Variants in NBEA observed in about 807,000 individuals in gnomAD.
NBEA encodes the protein lysosomal-trafficking regulator 2.
In NBEA, 44 loss-of-function variants were observed where a neutral mutation model predicts 343.4. The ratio of observed to expected loss-of-function variants is 0.13; its 90% CI spans 0.10 to 0.16. The LOEUF is 0.16. NBEA is among the 10% of genes least tolerant of loss of function. The pLI is 1.00. For synonymous variants in NBEA, 1,175 were observed against 1,238.7 expected (o/e 0.95, Z 1.08); for missense variants, 2,555 against 3,631.3 (o/e 0.70, Z 7.62).
chr13:35,164,064 T>G (rs961824575), intron 23 of NBEA, among the ~76,000 whole-genome samples: 14 of 152,242 alleles, frequency 9.2e-5, no homozygotes, highest in Non-Finnish European at 1.9e-4. Flanking sequence ...AAAATAAATA[T>G]TTTTAGCCAA....
At chr13:35,278,175 CAGT>C (rs2034774888) in intron 34 of NBEA, among the ~76,000 whole-genome samples, 1 of 148,940 alleles carries the variant, frequency 6.7e-6, no homozygotes, top group African/African-American at 2.5e-5. Flanking sequence ...GATTTAGAAA[CAGT>C]AGTGTACAAC....
intron 34 of NBEA, among the ~76,000 whole-genome samples, chr13:35,238,997 T>G (rs1261577929): frequency 6.6e-6 from 1 of 152,178 alleles, no homozygotes; most frequent in South Asian, 2.1e-4. Flanking sequence ...TCAGAAAAAC[T>G]TGCCGTATTT....
chr13:35,450,075 A>C (rs761096066), intron 39 of NBEA, among the ~76,000 whole-genome samples: 7 of 152,198 alleles, frequency 4.6e-5, no homozygotes, highest in Non-Finnish European at 1.0e-4. Flanking sequence ...AAACAGAATT[A>C]GCCTATATTC....
At chr13:35,409,644 C>T (rs77359599) in intron 38 of NBEA, among the ~76,000 whole-genome samples, 5,309 of 152,114 alleles carry the variant, frequency 0.035, 136 homozygotes, top group Non-Finnish European at 0.053. Context: ...CCAAATGGTT[C>T]TACCTGTTTC....
intron 27 of NBEA, 45 bp from the exon 28 acceptor site, chr13:35,176,951 T>A (rs997795970): frequency 7.9e-7 from 1 of 1,263,386 alleles, no homozygotes; most frequent in Non-Finnish European, 1.1e-6. Context: ...TTCTATATAT[T>A]ATCTGTAATA....
chr13:35,575,077 A>T (rs1233833589), intron 45 of NBEA, among the ~76,000 whole-genome samples: 1 of 152,186 alleles, frequency 6.6e-6, no homozygotes, highest in African/African-American at 2.4e-5. Flanking sequence ...GCAACTTTAG[A>T]TCAAAGATGA....
intron 12 of NBEA, among the ~76,000 whole-genome samples, chr13:35,109,803 G>A (rs1187210756): frequency 2.6e-5 from 4 of 151,682 alleles, no homozygotes; most frequent in Non-Finnish European, 5.9e-5. Context: ...TTTGAAGGTA[G>A]AATTTATATC....
rs542520689 is a variant in NBEA at position 35,154,938 on chromosome 13, C to T, written c.2446-836C>T. ...CCCAGGAGTTCAAGATGAGCCTGGG[C>T]GATAAAGTGGACCCCATCTTTACCA... On this transcript the variant is annotated intron_variant, in intron 18 of 58. Transcript: ENST00000379939. 3.4e-4 allele frequency among the ~76,000 whole-genome samples: 51 copies of T among 148,014 alleles called. No homozygotes were observed. In the South Asian group the frequency reaches 9.7e-3, roughly 28 times the overall value.
intron 34 of NBEA, among the ~76,000 whole-genome samples, chr13:35,266,175 C>T (rs1358251197): frequency 1.3e-5 from 2 of 151,368 alleles, no homozygotes; most frequent in Non-Finnish European, 3.0e-5. Context: ...ATAAATATTA[C>T]CAAAAAGATA....
At chr13:35,113,627 A>ATCTGTCTG (rs1555307508) in intron 13 of NBEA, among the ~76,000 whole-genome samples, 94 of 150,718 alleles carry the variant, frequency 6.2e-4, no homozygotes, top group African/African-American at 2.2e-3. Flanking sequence ...CTATCTATCT[A>ATCTGTCTG]TCTGTCTGTC....
chr13:35,525,255 T>C (rs2077912461), intron 41 of NBEA, among the ~76,000 whole-genome samples: 2 of 152,282 alleles, frequency 1.3e-5, no homozygotes, highest in East Asian at 1.9e-4. Context: ...TACTATATTA[T>C]TAAAATAAAT....
intron 17 of NBEA, among the ~76,000 whole-genome samples, chr13:35,136,264 A>G (rs935002570): frequency 6.6e-6 from 1 of 152,142 alleles, no homozygotes; most frequent in Non-Finnish European, 1.5e-5. Context: ...TAATCCCCAC[A>G]TTAGAGTGAT....
intron 1 of NBEA, among the ~76,000 whole-genome samples, chr13:35,009,570 G>C (rs904898870): frequency 1.3e-5 from 2 of 152,148 alleles, no homozygotes; most frequent in South Asian, 2.1e-4. Context: ...TTAGCTCCTA[G>C]CTCTGGGGGT....
chr13:34,983,011 T>C (rs912812362), intron 1 of NBEA, among the ~76,000 whole-genome samples: 4 of 152,114 alleles, frequency 2.6e-5, no homozygotes, highest in African/African-American at 9.7e-5. Flanking sequence ...GAATTGACCT[T>C]TGGGTTATTA....
chr13:35,144,032 G>A (rs974564092), intron 18 of NBEA, among the ~76,000 whole-genome samples: 1 of 152,144 alleles, frequency 6.6e-6, no homozygotes, highest in Non-Finnish European at 1.5e-5. Flanking sequence ...ATTTTTAAAT[G>A]ATGGGGGAAA....
chr13:35,390,441 C>G (rs1414909791), intron 38 of NBEA, among the ~76,000 whole-genome samples: 1 of 152,030 alleles, frequency 6.6e-6, no homozygotes, highest in Non-Finnish European at 1.5e-5. Flanking sequence ...TGTTCTTTCC[C>G]AAACTGGAAA....
At chr13:35,053,223 A>T (rs1349602542) in intron 6 of NBEA, among the ~76,000 whole-genome samples, 1 of 152,122 alleles carries the variant, frequency 6.6e-6, no homozygotes, top group Non-Finnish European at 1.5e-5. Flanking sequence ...ATACCACATT[A>T]TGCAAAAAAC....
intron 36 of NBEA, among the ~76,000 whole-genome samples, chr13:35,328,885 A>G (rs552589504): frequency 6.6e-6 from 1 of 151,996 alleles, no homozygotes; most frequent in South Asian, 2.1e-4. Flanking sequence ...TGGAAGATTT[A>G]TACCATTTGA....
chr13:35,554,385 A>G (rs918717620), intron 43 of NBEA, among the ~76,000 whole-genome samples: 1 of 152,226 alleles, frequency 6.6e-6, no homozygotes, highest in Non-Finnish European at 1.5e-5. Flanking sequence ...TTGAACCTGG[A>G]AAGTTTCATA....
Sources: allele counts gnomAD v4.1 joint callset (sites outside exome capture counted in the v4.1 genomes callset), GRCh38; gene constraint gnomAD v4.1.1; transcripts MANE v1.5; gene names NCBI Gene and HGNC (gene_info 2026-07-23, HGNC 2026-07-21).